The following SAMSN1 variants were observed in gnomAD, a reference collection of about 807,000 sequenced individuals.
The protein encoded by SAMSN1 is SAM domain, SH3 domain and nuclear localization signals 1.
In SAMSN1, 31 loss-of-function variants were observed where a neutral mutation model predicts 42.0. The observed-to-expected ratio is 0.74, with a 90% confidence interval of 0.55 to 1.00. The LOEUF is 1.00. Ranked by LOEUF, SAMSN1 falls within the 50% of genes least tolerant of loss-of-function variation. The pLI, the probability that SAMSN1 is intolerant of heterozygous loss-of-function variation, is 0.00. For synonymous variants in SAMSN1, 178 were observed against 151.9 expected (o/e 1.17, Z -1.26); for missense variants, 464 against 439.4 (o/e 1.06, Z -0.50).
In SAMSN1 at chr21:14,577,234, GTGTGTATATATATATATATATATA is replaced by G. The variant is rs1306736454; in HGVS notation, c.261+4878_261+4901del. 9.4e-4 allele frequency among the ~76,000 whole-genome samples: 20 copies of G among 21,318 alleles called. 1 individual carries two copies. Among genetic ancestry groups the G allele is most frequent in the African/African-American group, 1.1e-3 (6 of 5,392 alleles). 14.0% of individuals were successfully genotyped at this position (21,318 alleles called of 152,430 possible). A position where few individuals can be genotyped will look rare whatever the true frequency, so the allele number is the denominator to read the frequency against. ...CCATGGTGGGCTAATTTATATATAT[GTGTGTATATATATATATATATATA>G]TATATATATATATATATATATATAT... On this transcript the variant is annotated intron_variant, in intron 2 of 8. Transcript: ENST00000285670.
chr21:14,560,761 G>A (rs1210174562), intron 2 of SAMSN1, among the ~76,000 whole-genome samples: 2 of 152,218 alleles, frequency 1.3e-5, no homozygotes, highest in East Asian at 1.9e-4. Flanking sequence ...GCTTCACAAT[G>A]GTTCTTCAGT....
At chr21:14,557,180 T>C (rs980722555) in intron 2 of SAMSN1, among the ~76,000 whole-genome samples, 6 of 152,290 alleles carry the variant, frequency 3.9e-5, no homozygotes, top group African/African-American at 1.4e-4. Context: ...GAAGAGAGCA[T>C]GTGGACTTTG....
rs372999628 is a variant in SAMSN1 at position 14,653,499 on chromosome 21, G to C, written c.24+5249C>G. 4.6e-5 allele frequency among the ~76,000 whole-genome samples: 7 copies of C among 152,078 alleles called. No homozygotes were observed. The East Asian group carries it at 7.7e-4, about 17-fold the overall frequency. ...TAGAAGGATGGTTACCAGAGGCTAG[G>C]AAGAGTAATGGCATTCTGGGAGGAA... On this transcript the variant is annotated intron_variant, in intron 1 of 15. Transcript: ENST00000647101.
At chr21:14,556,698 C>T (rs562101251) in intron 2 of SAMSN1, among the ~76,000 whole-genome samples, 21 of 152,246 alleles carry the variant, frequency 1.4e-4, no homozygotes, top group Non-Finnish European at 2.8e-4. Flanking sequence ...CATGCTGCCT[C>T]GGAAGCCTAC....
chr21:14,489,332 C>T (rs549030565), intron 7 of SAMSN1, among the ~76,000 whole-genome samples: 10 of 152,174 alleles, frequency 6.6e-5, no homozygotes, highest in African/African-American at 2.2e-4. Context: ...TCTGATAATA[C>T]GCTAGGTTTA....
chr21:14,546,728 G>C (rs532345074), upstream of SAMSN1, among the ~76,000 whole-genome samples: 305 of 148,010 alleles, frequency 2.1e-3, 1 homozygote, highest in African/African-American at 7.2e-3. Context: ...TTCTTTTTTT[G>C]ATACGGAATC....
At chr21:14,649,027 C>G (rs988797474) in intron 1 of SAMSN1, among the ~76,000 whole-genome samples, 1 of 151,930 alleles carries the variant, frequency 6.6e-6, no homozygotes, top group African/African-American at 2.4e-5. Flanking sequence ...ACCCAAATGC[C>G]CAACAATGAT....
At chr21:14,564,568 C>G (rs7275386) in intron 2 of SAMSN1, among the ~76,000 whole-genome samples, 10,220 of 152,066 alleles carry the variant, frequency 0.067, 548 homozygotes, top group African/African-American at 0.15. Context: ...CCAAACCTGT[C>G]ATGCAGAATA....
At chr21:14,573,757 C>G (rs138617285) in intron 2 of SAMSN1, among the ~76,000 whole-genome samples, 7 of 152,208 alleles carry the variant, frequency 4.6e-5, no homozygotes, top group African/African-American at 1.7e-4. Flanking sequence ...TTGACATTCT[C>G]CTCCATTCCA....
intron 1 of SAMSN1, among the ~76,000 whole-genome samples, chr21:14,545,764 C>T (rs959426604): frequency 2.0e-5 from 3 of 152,146 alleles, no homozygotes; most frequent in African/African-American, 7.2e-5. Flanking sequence ...TATATTTAAC[C>T]ATAACATTTC....
At chr21:14,547,420 G>A (rs1361624687), upstream of SAMSN1, among the ~76,000 whole-genome samples, 1 of 152,222 alleles carries the variant, frequency 6.6e-6, no homozygotes, top group South Asian at 2.1e-4. Flanking sequence ...AAATGTTTAT[G>A]ATAATGAAAA....
chr21:14,578,915 A>T (rs544614766), intron 2 of SAMSN1, among the ~76,000 whole-genome samples: 2 of 152,150 alleles, frequency 1.3e-5, no homozygotes, highest in Non-Finnish European at 2.9e-5. Context: ...CATTAATAGT[A>T]AGTAACATTC....
chr21:14,622,638 A>G (rs1600969662), intron 2 of SAMSN1, among the ~76,000 whole-genome samples: 1 of 152,320 alleles, frequency 6.6e-6, no homozygotes, highest in African/African-American at 2.4e-5. Context: ...CCAAATCTAC[A>G]TCTGATTGGT....
chr21:14,509,260 G>C (rs1987568335), intron 5 of SAMSN1, among the ~76,000 whole-genome samples: 1 of 152,212 alleles, frequency 6.6e-6, no homozygotes, highest in African/African-American at 2.4e-5. Context: ...CAGTGACCAA[G>C]ATGAGACTGG....
At chr21:14,630,595 G>A (rs1221711014) in intron 2 of SAMSN1, among the ~76,000 whole-genome samples, 1 of 152,144 alleles carries the variant, frequency 6.6e-6, no homozygotes, top group African/African-American at 2.4e-5. Context: ...ATTGGTGGCA[G>A]AAGAACAGCT....
At chr21:14,644,567 G>A (rs1426901179) in intron 1 of SAMSN1, among the ~76,000 whole-genome samples, 2 of 152,136 alleles carry the variant, frequency 1.3e-5, no homozygotes, top group South Asian at 2.1e-4. Context: ...GAGACTTAGT[G>A]GCTTTAGATG....
At chr21:14,589,001 ATT>A (rs1982005789) in intron 7 of SAMSN1, among the ~76,000 whole-genome samples, 1 of 152,144 alleles carries the variant, frequency 6.6e-6, no homozygotes. Flanking sequence ...TATTTCATAT[ATT>A]TGTGTCTATA....
rs1016526633 is a variant in SAMSN1 at position 14,536,398 on chromosome 21, T to C, written c.57+9807A>G. ...ATAAAGCTTCCTATAAAATACAATA[T>C]CCAAATTTCCAAACAAAGGGGAGGC... On this transcript the variant is annotated intron_variant, in intron 1 of 7. Coordinates refer to ENST00000400566, the MANE Select transcript of SAMSN1 (RefSeq NM_022136.5). 9.9e-5 allele frequency among the ~76,000 whole-genome samples: 15 copies of C among 152,170 alleles called. No individual in the cohort carries two copies. In the South Asian group the frequency reaches 1.0e-3, roughly 11 times the overall value.
chr21:14,505,669 G>C (rs1295238032), intron 5 of SAMSN1, among the ~76,000 whole-genome samples: 2 of 152,120 alleles, frequency 1.3e-5, no homozygotes, highest in Admixed American at 6.5e-5. Flanking sequence ...CAGTACTCCA[G>C]TGACAGCACT....
Sources: gnomAD v4.1 joint callset for allele counts (sites outside exome capture counted in the v4.1 genomes callset) on GRCh38, gnomAD v4.1.1 for gene constraint, MANE v1.5 for transcripts, NCBI Gene and HGNC (gene_info 2026-07-23, HGNC 2026-07-21) for gene names.